Variants in ASCC2 observed in about 807,000 individuals in gnomAD.
ASCC2 encodes ASC-1 complex subunit P100.
Under a neutral mutation model 93.5 loss-of-function variants are expected in ASCC2, and 42 were observed. That is an observed-to-expected ratio of 0.45 (90% CI 0.35 to 0.58). The LOEUF is 0.58. Ranked by LOEUF, ASCC2 falls within the 20% of genes least tolerant of loss-of-function variation. The pLI, the probability that ASCC2 is intolerant of heterozygous loss-of-function variation, is 0.00. For synonymous variants in ASCC2, 364 were observed against 384.2 expected, an observed-to-expected ratio of 0.95 and a Z score of 0.62; for missense variants, 859 against 977.6, an observed-to-expected ratio of 0.88 and a Z score of 1.62.
In ASCC2 at chr22:29,813,548, G is replaced by A; in HGVS notation, c.721-6C>T. ...AGAACAATGTCCTTTAATTCCTGTTGCCAAAAGAATACACTGCATTATTCT... is the reference window on the plus strand; with the variant it reads ...AGAACAATGTCCTTTAATTCCTGTTACCAAAAGAATACACTGCATTATTCT... On this transcript the variant is annotated splice_polypyrimidine_tract_variant and splice_region_variant and intron_variant, in intron 7 of 19. Transcript: ENST00000307790. 4 of 1,576,326 alleles carry A rather than the reference G, an allele frequency of 2.5e-6. No individual in the cohort carries two copies. Among genetic ancestry groups the A allele is most frequent in the Non-Finnish European group, 3.5e-6 (4 of 1,145,778 alleles).
intron 2 of ASCC2, among the ~76,000 whole-genome samples, chr22:29,828,396 A>G (rs972851716): frequency 1.3e-5 from 2 of 152,176 alleles, no homozygotes; most frequent in African/African-American, 2.4e-5. Context: ...AACTATTTAA[A>G]AGAGACATAG....
chr22:29,807,500 G>A (rs1188242653), intron 9 of ASCC2, among the ~76,000 whole-genome samples: 1 of 152,110 alleles, frequency 6.6e-6, no homozygotes, highest in Non-Finnish European at 1.5e-5. Flanking sequence ...CTTCAATGCA[G>A]GGCCCAGCCA....
chr22:29,813,576 T>A (rs1266329715), intron 7 of ASCC2, 34 bp from the exon 8 acceptor site: 1 of 1,396,108 alleles, frequency 7.2e-7, no homozygotes, highest in South Asian at 1.2e-5. Context: ...ATTATTCTCC[T>A]CTGTCCACAC....
rs755462937 is a variant in ASCC2, at chr22:29,822,375, G to C, written c.501C>G (p.Leu167=). The change falls in exon 5 of 20, where the codon CTC becomes CTG. Residue 167 remains leucine, a synonymous_variant. Transcript: ENST00000307790. ...GCAGTGGTGAGTTGCCTTTTCCAAA[G>C]AGCACGCAGAGGTCCAGGATCTTTG... is the stretch of plus-strand genomic sequence containing the variant. ...DIPKILDLCV[L]FGKGNSPLLQ... 1.2e-5 allele frequency: 19 copies of C among 1,613,932 alleles called. No homozygotes were observed. Among genetic ancestry groups the C allele is most frequent in the Admixed American group, 6.7e-5 (4 of 59,978 alleles).
chr22:29,825,529 A>G lies in ASCC2; in HGVS notation c.240+93T>C. The G allele has an allele frequency of 1.9e-6, 3 of 1,565,616 alleles. No individual in the cohort carries two copies. The South Asian group carries it at 3.4e-5, about 18-fold the overall frequency. On this transcript the variant is annotated intron_variant, in intron 3 of 19. Transcript: ENST00000307790. The surrounding 1 kb of genome is among the most constrained non-coding windows in gnomAD (Gnocchi z 4.9). ...GGATCCAGTGAAAGAAGTAGACAAA[A>G]AAGCACCTCCTAGGGGAAGAAAAAC...
At position 29,802,015 on chromosome 22, in the gene ASCC2, T is replaced by A; in HGVS notation, c.1547A>T (p.Gln516Leu). 6.2e-7 allele frequency: 1 copy of A among 1,603,054 alleles called. No individual in the cohort carries two copies. The highest frequency in any genetic ancestry group is 8.5e-7 in the Non-Finnish European group (1 of 1,174,444). ...CCACCTGTCTAGGTTGCGGTCCAGC[T>A]GGCTGAGGGTGGGGGCCAGCCGCTC... ...LEERLAPTLS[Q>L]LDRNLDREMK... The change falls in exon 14 of 20, where the codon CAG (glutamine) becomes CTG (leucine). Residue 516 changes from glutamine (Q) to leucine (L), a missense_variant. Gln to Leu is a moderately radical substitution (Grantham distance 113). Transcript: ENST00000307790.
At chr22:29,805,290 TCCTC>T (rs1177241870) in intron 12 of ASCC2, among the ~76,000 whole-genome samples, 1 of 152,190 alleles carries the variant, frequency 6.6e-6, no homozygotes, top group Non-Finnish European at 1.5e-5. Flanking sequence ...AGCTGGCTGC[TCCTC>T]CCTGTCCTTC....
chr22:29,798,336 G>A (rs1230614305), intron 15 of ASCC2, among the ~76,000 whole-genome samples: 1 of 152,074 alleles, frequency 6.6e-6, no homozygotes, highest in Non-Finnish European at 1.5e-5. Context: ...GAGGGGTATT[G>A]GAGACTTCTG....
At chr22:29,817,632 G>A (rs576986039) in intron 5 of ASCC2, among the ~76,000 whole-genome samples, 1 of 152,100 alleles carries the variant, frequency 6.6e-6, no homozygotes, top group African/African-American at 2.4e-5. Context: ...ACTTCGCACT[G>A]GGGAGGCACC....
At chr22:29,815,136 A>C in intron 6 of ASCC2, 1 of 215,134 alleles carries the variant, frequency 4.6e-6, no homozygotes, top group Non-Finnish European at 9.2e-6. Flanking sequence ...TCTCCACAAA[A>C]TTTTTTTTAA....
rs1358802520 is a variant in ASCC2, at chr22:29,802,020, G to A, written c.1542C>T (p.Leu514=). 1 of 1,605,890 alleles carries A rather than the reference G, an allele frequency of 6.2e-7. No individual in the cohort carries two copies. The highest frequency in any genetic ancestry group is 1.7e-5 in the Admixed American group (1 of 58,692). ...NILEERLAPT[L]SQLDRNLDRE... is the part of the protein sequence containing the mutation. ...TGTCTAGGTTGCGGTCCAGCTGGCT[G>A]AGGGTGGGGGCCAGCCGCTCCTCCA... Residue 514 remains leucine, a synonymous_variant, in exon 14 of 20, where the codon CTC becomes CTT. Transcript: ENST00000307790.
chr22:29,788,693 A>C lies in ASCC2; in HGVS notation c.*320T>G. Reference sequence around the variant, plus strand: ...TTCCTGCTGTCCAGGGTAAAGGGGAAGTGGTGTCTTGTGGCCCGAGGTTTG... The same window carrying C: ...TTCCTGCTGTCCAGGGTAAAGGGGACGTGGTGTCTTGTGGCCCGAGGTTTG... On this transcript the variant is annotated 3_prime_UTR_variant, in exon 20 of 20. Coordinates refer to ENST00000307790, the MANE Select transcript of ASCC2 (RefSeq NM_032204.5). The C allele has an allele frequency of 2.6e-6, 1 of 390,788 alleles. No individual in the cohort carries two copies. The highest frequency in any genetic ancestry group is 4.7e-6 in the Non-Finnish European group (1 of 211,118). 24.2% of individuals were successfully genotyped at this position (390,788 alleles called of 1,614,324 possible). A position where few individuals can be genotyped will look rare whatever the true frequency, so the allele number is the denominator to read the frequency against.
intron 5 of ASCC2, among the ~76,000 whole-genome samples, chr22:29,818,399 T>G (rs1383016412): frequency 1.4e-5 from 1 of 73,744 alleles, no homozygotes; most frequent in African/African-American, 5.0e-5. Context: ...CATCACTCCC[T>G]GCCTACACAC....
At chr22:29,827,024 G>A (rs1432155628) in intron 2 of ASCC2, among the ~76,000 whole-genome samples, 1 of 149,820 alleles carries the variant, frequency 6.7e-6, no homozygotes, top group African/African-American at 2.5e-5. Flanking sequence ...CGTGAACCCG[G>A]GAGGCAGAGC....
chr22:29,821,931 T>C (rs1228634628), intron 5 of ASCC2: 2 of 451,514 alleles, frequency 4.4e-6, no homozygotes, highest in African/African-American at 4.1e-5. Flanking sequence ...TCCAGGAATG[T>C]GAAGCTGCAG....
In ASCC2 at chr22:29,819,559, A is replaced by G. The variant is rs1001386627; in HGVS notation, c.541+2776T>C. ...AAAAAAACTGGGGCTTAGAGTAGTT[A>G]ATTGACTTGGTTAAGGGGACACAGC... is the stretch of plus-strand genomic sequence containing the variant. On this transcript the variant is annotated intron_variant, in intron 5 of 19. Coordinates refer to ENST00000307790, the MANE Select transcript of ASCC2 (RefSeq NM_032204.5). 7.9e-5 allele frequency among the ~76,000 whole-genome samples: 12 copies of G among 152,294 alleles called. No individual in the cohort carries two copies. The East Asian group carries it at 2.3e-3, about 29-fold the overall frequency.
At chr22:29,817,942 C>T (rs987784919) in intron 5 of ASCC2, among the ~76,000 whole-genome samples, 3 of 152,112 alleles carry the variant, frequency 2.0e-5, no homozygotes, top group African/African-American at 7.2e-5. Flanking sequence ...AGGCCCAAGT[C>T]ATTCCTGGTT....
At chr22:29,816,766 T>C (rs1030105797) in intron 5 of ASCC2, 2 of 149,944 alleles carry the variant, frequency 1.3e-5, no homozygotes, top group African/African-American at 4.9e-5. Flanking sequence ...AAACCAAGTG[T>C]TCCAGCTGCC....
In ASCC2 at chr22:29,825,392, A is replaced by T. The variant is rs540900942; in HGVS notation, c.241-135T>A. On this transcript the variant is annotated intron_variant, in intron 3 of 19. Transcript: ENST00000307790. This position sits in a 1 kb window ranked among gnomAD's most constrained non-coding sequence, Gnocchi z 4.9. ...TCCGACCCCAAGGGACCAAGGAGGT[A>T]TGAATGAGCCAAGGGCTAAACACAA... 1.6e-6 allele frequency: 2 copies of T among 1,235,450 alleles called. No homozygotes were observed. Among genetic ancestry groups the T allele is most frequent in the Non-Finnish European group, 2.2e-6 (2 of 889,266 alleles). The allele number at this position is 1,235,450 out of a possible 1,614,324, so 76.5% of individuals were successfully genotyped here. A position where few individuals can be genotyped will look rare whatever the true frequency, so the allele number is the denominator to read the frequency against.
Sources: gnomAD v4.1 joint callset for allele counts (sites outside exome capture counted in the v4.1 genomes callset) on GRCh38, gnomAD v4.1.1 for gene constraint, Gnocchi (gnomAD v3.1) non-coding constraint, MANE v1.5 for transcripts, NCBI Gene and HGNC (gene_info 2026-07-23, HGNC 2026-07-21) for gene names.